Variants in VCPIP1 observed in about 807,000 individuals in gnomAD.
The protein encoded by VCPIP1 is deubiquitinating protein VCPIP1.
VCPIP1 carries 8 observed loss-of-function variants against 85.0 expected under a neutral mutation model. The ratio of observed to expected loss-of-function variants is 0.09; its 90% CI spans 0.06 to 0.17. VCPIP1 has a LOEUF of 0.17. VCPIP1 is among the 10% of genes least tolerant of loss of function. The probability of loss-of-function intolerance (pLI) is 1.00; values close to 1 mark genes in which losing one functional copy is unlikely to be tolerated. For synonymous variants in VCPIP1, 543 were observed against 544.5 expected (o/e 1.00, Z 0.04); for missense variants, 1,070 against 1,486.3 (o/e 0.72, Z 4.61).
chr8:66,641,150 A>G (rs907685930), intron 2 of VCPIP1, among the ~76,000 whole-genome samples: 2 of 152,128 alleles, frequency 1.3e-5, no homozygotes, highest in Admixed American at 6.5e-5. Flanking sequence ...TGCCTGTCCC[A>G]TGAAGGGTTG....
intron 1 of VCPIP1, among the ~76,000 whole-genome samples, chr8:66,656,044 G>A (rs1011584087): frequency 1.2e-4 from 18 of 151,928 alleles, no homozygotes; most frequent in African/African-American, 4.3e-4. Flanking sequence ...CCTATTTGAT[G>A]TGAATAACTT....
At position 66,666,731 on chromosome 8, in the gene VCPIP1, C is replaced by T; in HGVS notation, c.228G>A (p.Arg76=). The part of the protein sequence containing the change: ...VSIECTECGQ[R]HEQQQLLGVE... Reference sequence around the variant, plus strand: ...CCCCCAGCAGCTGTTGCTGCTCGTGCCGCTGGCCGCACTCGGTACACTCGA... The same window carrying T: ...CCCCCAGCAGCTGTTGCTGCTCGTGTCGCTGGCCGCACTCGGTACACTCGA... The change falls in exon 1 of 3, where the codon CGG becomes CGA. Residue 76 remains arginine (R), a synonymous_variant. Coordinates refer to ENST00000310421, the MANE Select transcript of VCPIP1 (RefSeq NM_025054.5). This position sits in a 1 kb window ranked among gnomAD's most constrained non-coding sequence, Gnocchi z 6.3. The T allele has an allele frequency of 6.2e-7, 1 of 1,614,086 alleles. No individual in the cohort carries two copies. The highest frequency in any genetic ancestry group is 1.3e-5 in the African/African-American group (1 of 75,066).
Position 66,634,908 on chromosome 8 carries a change from C to T in VCPIP1, c.3262G>A (p.Val1088Ile), listed in dbSNP as rs1370094067. 1.9e-6 allele frequency: 3 copies of T among 1,613,624 alleles called. No homozygotes were observed. The highest frequency in any genetic ancestry group is 2.7e-5 in the African/African-American group (2 of 74,886). The change falls in exon 3 of 3, where the codon GTA becomes ATA. Residue 1088 changes from valine to isoleucine, a missense_variant. By Grantham distance (29) the Val-to-Ile change is conservative. This residue lies in a region of VCPIP1 where 255 missense variants were observed against 289.5 expected (regional missense o/e 0.88). Coordinates refer to ENST00000310421, the MANE Select transcript of VCPIP1 (RefSeq NM_025054.5). ...NSELIRIAPG[V>I]VTMRDGRQLD... ...TGCCTGCCGTCTCTCATTGTTACTA[C>T]TCCAGGAGCTATTCGAATAAGCTCA... is the stretch of plus-strand genomic sequence containing the variant.
rs749722161 is a variant in VCPIP1, at chr8:66,666,647, G to A, written c.312C>T (p.Leu104=). Residue 104 remains leucine, a synonymous_variant, in exon 1 of 3, where the codon CTC becomes CTT. Coordinates refer to ENST00000310421, the MANE Select transcript of VCPIP1 (RefSeq NM_025054.5). This position sits in a 1 kb window ranked among gnomAD's most constrained non-coding sequence, Gnocchi z 6.3. ...VLHNLLRNAL[L]GVTGAPKKNT... ...TCTTCTTGGGTGCCCCCGTAACCCC[G>A]AGCAGCGCGTTCCGCAGCAGGTTGT... The A allele has an allele frequency of 1.7e-5, 28 of 1,614,026 alleles. No individual in the cohort carries two copies. The highest frequency in any genetic ancestry group is 2.4e-5 in the Non-Finnish European group (28 of 1,180,044).
chr8:66,664,186 C>G, intron 1 of VCPIP1, 63 bp downstream of exon 1: 2 of 1,433,632 alleles, frequency 1.4e-6, no homozygotes, highest in South Asian at 1.7e-5. Context: ...CCAAAGATAA[C>G]AGGAAAACTC....
chr8:66,645,372 T>C (rs1379563378), intron 2 of VCPIP1, among the ~76,000 whole-genome samples: 1 of 152,004 alleles, frequency 6.6e-6, no homozygotes, highest in Non-Finnish European at 1.5e-5. Context: ...GAGCTGAGAT[T>C]GCACCACTGC....
At chr8:66,651,614 G>T in intron 1 of VCPIP1, 70 bp from the exon 2 acceptor site, 3 of 1,266,522 alleles carry the variant, frequency 2.4e-6, no homozygotes, top group Middle Eastern at 1.9e-4. Context: ...CTTTAGTAAG[G>T]ATTAGCCTAG....
At chr8:66,661,720 A>C (rs1407270028) in intron 1 of VCPIP1, among the ~76,000 whole-genome samples, 1 of 150,700 alleles carries the variant, frequency 6.6e-6, no homozygotes, top group Admixed American at 6.6e-5. Flanking sequence ...TGGGCGACAG[A>C]GTGAGACTCT....
chr8:66,659,329 TAGTC>T (rs1811133418), intron 1 of VCPIP1, among the ~76,000 whole-genome samples: 1 of 152,110 alleles, frequency 6.6e-6, no homozygotes, highest in Non-Finnish European at 1.5e-5. Flanking sequence ...AAGCCAGAGT[TAGTC>T]TTTTAAGTAT....
Position 66,666,404 on chromosome 8 carries a change from G to A in VCPIP1, c.555C>T (p.Ser185=), listed in dbSNP as rs756657202. 11 of 1,614,012 alleles carry A rather than the reference G, an allele frequency of 6.8e-6. No homozygotes were observed. Among genetic ancestry groups the A allele is most frequent in the South Asian group, 3.3e-5 (3 of 91,080 alleles). The change falls in exon 1 of 3, where the codon TCC becomes TCT. Residue 185 remains serine, a synonymous_variant. Coordinates refer to ENST00000310421, the MANE Select transcript of VCPIP1 (RefSeq NM_025054.5). The surrounding 1 kb of genome is among the most constrained non-coding windows in gnomAD (Gnocchi z 6.3). ...TGTCATGCAAATACAGGAGGCTTCCGGAGCGGTCCTTGCCATAGCCCACAG... is the reference window on the plus strand; with the variant it reads ...TGTCATGCAAATACAGGAGGCTTCCAGAGCGGTCCTTGCCATAGCCCACAG... ...VNTVGYGKDR[S]GSLLYLHDTL...
intron 2 of VCPIP1, among the ~76,000 whole-genome samples, chr8:66,641,595 C>T (rs866656898): frequency 1.3e-5 from 2 of 152,176 alleles, no homozygotes; most frequent in Non-Finnish European, 2.9e-5. Context: ...AAACCCTGAA[C>T]CTTAGCAGTC....
chr8:66,667,181 C>T lies in VCPIP1; in HGVS notation c.-223G>A, dbSNP rs191872173. ...GTTGCCCCGAACGTAACGGCCACCACCCCACCCCGCACTCACACTCACTCA... is the reference window on the plus strand; with the variant it reads ...GTTGCCCCGAACGTAACGGCCACCATCCCACCCCGCACTCACACTCACTCA... On this transcript the variant is annotated 5_prime_UTR_variant, in exon 1 of 3. In the 5' UTR this introduces an upstream ATG that the reference lacks. Coordinates refer to ENST00000310421, the MANE Select transcript of VCPIP1 (RefSeq NM_025054.5). The T allele has an allele frequency of 3.1e-4, 280 of 904,712 alleles. No individual in the cohort carries two copies. Among genetic ancestry groups the T allele is most frequent in the Middle Eastern group, 1.1e-3 (3 of 2,794 alleles). 56.0% of individuals were successfully genotyped at this position (904,712 alleles called of 1,614,324 possible). A position where few individuals can be genotyped will look rare whatever the true frequency, so the allele number is the denominator to read the frequency against.
At chr8:66,638,603 C>T (rs1281487712) in intron 2 of VCPIP1, among the ~76,000 whole-genome samples, 2 of 151,524 alleles carry the variant, frequency 1.3e-5, no homozygotes, top group Admixed American at 1.3e-4. Context: ...CACGGTGAAA[C>T]CTCATCTCTA....
At chr8:66,646,705 A>G (rs892796518) in intron 2 of VCPIP1, among the ~76,000 whole-genome samples, 2 of 151,608 alleles carry the variant, frequency 1.3e-5, no homozygotes, top group African/African-American at 2.4e-5. Flanking sequence ...CTGAGGCAGG[A>G]AAGAATTGCT....
rs1416863718 is a variant in VCPIP1 at position 66,630,313 on chromosome 8, T to C, written c.*4188A>G. 6.6e-6 allele frequency: 1 copy of C among 152,336 alleles called. No homozygotes were observed. Among genetic ancestry groups the C allele is most frequent in the Non-Finnish European group, 1.5e-5 (1 of 68,024 alleles). 9.4% of individuals were successfully genotyped at this position (152,336 alleles called of 1,614,324 possible). A position where few individuals can be genotyped will look rare whatever the true frequency, so the allele number is the denominator to read the frequency against. On this transcript the variant is annotated 3_prime_UTR_variant, in exon 3 of 3. Coordinates refer to ENST00000310421, the MANE Select transcript of VCPIP1 (RefSeq NM_025054.5). ...GCAGTTAAAGCACTTGCTATTTTTC[T>C]AAATATTTACACTATTACTGCTTAT...
intron 2 of VCPIP1, among the ~76,000 whole-genome samples, chr8:66,639,929 A>G (rs1411616475): frequency 2.0e-5 from 3 of 152,106 alleles, no homozygotes; most frequent in Non-Finnish European, 2.9e-5. Flanking sequence ...AGAGGGGAAC[A>G]ACACACACTT....
intron 2 of VCPIP1, among the ~76,000 whole-genome samples, chr8:66,638,936 T>TTCTCTCTCTCTCTCTCTC (rs750894538): frequency 2.2e-4 from 29 of 131,646 alleles, no homozygotes; most frequent in South Asian, 4.7e-4. Context: ...CAAGAAAACT[T>TTCTCTCTCTCTCTCTCTC]TCTCTCTCTC....
chr8:66,660,769 C>T (rs6982266), intron 1 of VCPIP1, among the ~76,000 whole-genome samples: 170 of 152,192 alleles, frequency 1.1e-3, no homozygotes, highest in African/African-American at 3.9e-3. Context: ...TTCGGCCAGG[C>T]GCAGTGGCTC....
At chr8:66,644,810 A>T (rs1057235500) in intron 2 of VCPIP1, among the ~76,000 whole-genome samples, 13 of 151,438 alleles carry the variant, frequency 8.6e-5, no homozygotes, top group African/African-American at 2.9e-4. Context: ...AAAAAAAAAA[A>T]TTTTAGGCCA....
Sources: gnomAD v4.1 joint callset for allele counts (sites outside exome capture counted in the v4.1 genomes callset) on GRCh38, gnomAD v4.1.1 for gene constraint, gnomAD v4.1.1 regional missense constraint, Gnocchi (gnomAD v3.1) non-coding constraint, MANE v1.5 for transcripts, NCBI Gene and HGNC (gene_info 2026-07-23, HGNC 2026-07-21) for gene names.